The following RPAP1 variants were observed in gnomAD, a reference collection of about 807,000 sequenced individuals.
RPAP1 encodes the protein RNA polymerase II-associated protein 1.
A neutral mutation model predicts 142.4 loss-of-function variants in RPAP1; 109 were observed. The observed-to-expected ratio is 0.77, with a 90% CI of 0.66 to 0.90. The LOEUF is 0.90. RPAP1 is among the 40% of genes least tolerant of loss of function. RPAP1 has a pLI of 0.00. For synonymous variants in RPAP1, 704 were observed against 738.9 expected (o/e 0.95, Z 0.77); for missense variants, 1,546 against 1,751.7 (o/e 0.88, Z 2.10).
intron 10 of RPAP1, 95 bp downstream of exon 10, chr15:41,528,140 C>T: frequency 6.6e-7 from 1 of 1,512,414 alleles, no homozygotes; most frequent in Non-Finnish European, 9.0e-7. Context: ...ACATAGCTGG[C>T]TAGTGAGCCA....
intron 14 of RPAP1, among the ~76,000 whole-genome samples, chr15:41,526,316 C>T (rs1031406715): frequency 1.3e-5 from 2 of 152,222 alleles, no homozygotes; most frequent in Admixed American, 6.5e-5. Context: ...TTGGTGCAAC[C>T]AGCCCACTGC....
chr15:41,541,569 C>T (rs576010932), intron 1 of RPAP1, among the ~76,000 whole-genome samples: 3 of 152,228 alleles, frequency 2.0e-5, no homozygotes, highest in African/African-American at 4.8e-5. Context: ...GAATGAAGGC[C>T]GGGTGTGCTG....
At chr15:41,540,335 CTTG>C (rs916541480) in intron 1 of RPAP1, among the ~76,000 whole-genome samples, 45 of 144,424 alleles carry the variant, frequency 3.1e-4, no homozygotes, top group Non-Finnish European at 3.9e-4. Context: ...GAGTTTCACT[CTTG>C]TTGCCCAGGC....
Position 41,525,546 on chromosome 15 carries a change from C to T in RPAP1, c.1918-398G>A, listed in dbSNP as rs951623165. Among the ~76,000 whole-genome samples, 3 of 152,124 alleles carry T rather than the reference C, an allele frequency of 2.0e-5. No homozygotes were observed. The South Asian group carries it at 6.2e-4, about 32-fold the overall frequency. ...TAGAGACGGGGTTTCATTATGTTGG[C>T]CAGGCTGGTGTCGAACTGCTGACCT... On this transcript the variant is annotated intron_variant, in intron 14 of 24. Coordinates refer to ENST00000304330, the MANE Select transcript of RPAP1 (RefSeq NM_015540.4).
At position 41,534,752 on chromosome 15, in the gene RPAP1, T is replaced by C; in HGVS notation, c.725A>G (p.Glu242Gly). 3 of 1,614,098 alleles carry C rather than the reference T, an allele frequency of 1.9e-6. No homozygotes were observed. Among genetic ancestry groups the C allele is most frequent in the Non-Finnish European group, 2.5e-6 (3 of 1,180,016 alleles). The part of the protein sequence containing the change: ...IARLQAMAPE[E>G]ILQEQQRLLA... ...CAACCGCTGCTGTTCCTGCAGGATC[T>C]CCTCAGGAGCCATGGCCTGCAGTCT... Residue 242 changes from glutamate to glycine, a missense_variant, in exon 6 of 25, where the codon GAG (glutamate) becomes GGG (glycine). By Grantham distance (98) the Glu-to-Gly change is moderately conservative (BLOSUM62 -2). This residue lies in a region of RPAP1 where 1,333 missense variants were observed against 1,486.6 expected (regional missense o/e 0.90). Coordinates refer to ENST00000304330, the MANE Select transcript of RPAP1 (RefSeq NM_015540.4).
chr15:41,530,704 AG>A (rs1376392594), intron 7 of RPAP1, among the ~76,000 whole-genome samples: 2 of 152,090 alleles, frequency 1.3e-5, no homozygotes, highest in Non-Finnish European at 2.9e-5. Flanking sequence ...GGATGGACAG[AG>A]CCAGAGCTGG....
chr15:41,534,143 C>T (rs1268190921), intron 6 of RPAP1, among the ~76,000 whole-genome samples: 1 of 148,552 alleles, frequency 6.7e-6, no homozygotes, highest in African/African-American at 2.5e-5. Flanking sequence ...AAAGGCCGGG[C>T]ATGGTGGCTC....
intron 1 of RPAP1, among the ~76,000 whole-genome samples, chr15:41,542,691 G>C (rs1595491429): frequency 6.6e-6 from 1 of 152,150 alleles, no homozygotes; most frequent in East Asian, 1.9e-4. Flanking sequence ...TGAAGTTACT[G>C]TGCTTGTTTC....
rs2051921457 is a variant in RPAP1 at position 41,537,207 on chromosome 15, A to G, written c.-76-6T>C. The G allele has an allele frequency of 1.4e-6, 2 of 1,392,324 alleles. No individual in the cohort carries two copies. The highest frequency in any genetic ancestry group is 2.0e-6 in the Non-Finnish European group (2 of 1,018,868). 86.2% of individuals were successfully genotyped at this position (1,392,324 alleles called of 1,614,324 possible). A position where few individuals can be genotyped will look rare whatever the true frequency, so the allele number is the denominator to read the frequency against. ...GGGTTCCCTCTTATTCATCCCTAAG[A>G]GCAAGAAAGAATATGGGCCCTCTGC... On this transcript the variant is annotated splice_region_variant and splice_polypyrimidine_tract_variant and intron_variant, in intron 1 of 24. Transcript: ENST00000304330.
In RPAP1 at chr15:41,527,169, T is replaced by C. The variant is rs11630901; in HGVS notation, c.1744A>G (p.Arg582Gly). 262,143 of 1,614,130 alleles carry C rather than the reference T, an allele frequency of 0.16. 23,982 individuals are homozygous for C. The highest frequency in any genetic ancestry group is 0.23 in the Middle Eastern group (1,410 of 6,062). The change falls in exon 13 of 25, where the codon AGG becomes GGG. Residue 582 changes from arginine to glycine, a missense_variant and splice_region_variant. By Grantham distance (125) the Arg-to-Gly change is moderately radical. Transcript: ENST00000304330. ...LARHSLESAT[R>G]VLECPRLIET... ...TTCCCTGCTCCCTTTTTTCTCACCC[T>C]TGTGGCTGATTCCAGGGAATGCCGG...
At position 41,535,564 on chromosome 15, in the gene RPAP1, T is replaced by A. The variant is rs1273167356; in HGVS notation, c.489A>T (p.Glu163Asp). The A allele has an allele frequency of 6.2e-7, 1 of 1,614,054 alleles. No individual in the cohort carries two copies. Among genetic ancestry groups the A allele is most frequent in the African/African-American group, 1.3e-5 (1 of 75,060 alleles). The stretch of plus-strand genomic sequence containing the variant: ...CTTCCCCAACTGATGGGCCCTTGGC[T>A]TCAGCTATCCTCCTTGCCGCAATTT... ...AQEIAARRIA[E>D]AKGPSVGEVV... Residue 163 changes from glutamate (E) to aspartate (D), a missense_variant, in exon 5 of 25, where the codon GAA (glutamate) becomes GAT (aspartate). By Grantham distance (45) the Glu-to-Asp change is conservative (BLOSUM62 2). Around this residue, in one of 3 missense-constraint regions of RPAP1, gnomAD observed 1,333 missense variants for 1,486.6 expected, o/e 0.90. Transcript: ENST00000304330.
intron 1 of RPAP1, among the ~76,000 whole-genome samples, chr15:41,538,905 C>G (rs2051942498): frequency 6.6e-6 from 1 of 152,000 alleles, no homozygotes; most frequent in South Asian, 2.1e-4. Context: ...AAGAAGCTAG[C>G]CAAAAAGGAC....
chr15:41,523,685 G>A, intron 17 of RPAP1, 86 bp downstream of exon 17: 2 of 1,132,486 alleles, frequency 1.8e-6, no homozygotes, highest in Non-Finnish European at 2.6e-6. Context: ...GGAGTGGAGA[G>A]ATGGACACAG....
At chr15:41,539,399 A>C (rs146618860) in intron 1 of RPAP1, among the ~76,000 whole-genome samples, 2,654 of 151,986 alleles carry the variant, frequency 0.017, 45 homozygotes, top group South Asian at 0.051. Context: ...GGTTCAAGTG[A>C]TTCTCCTGCC....
Position 41,536,954 on chromosome 15 carries a change from T to C in RPAP1, c.172A>G (p.Met58Val), listed in dbSNP as rs2051916121. The change falls in exon 2 of 25, where the codon ATG (methionine) becomes GTG (valine). Residue 58 changes from methionine (M) to valine (V), a missense_variant. Transcript: ENST00000304330. Reference sequence around the variant, plus strand: ...ATCCATGGGAACTCACTGTCCAACATCACCACATCCCGATGGTCCTGGAGC... The same window carrying C: ...ATCCATGGGAACTCACTGTCCAACACCACCACATCCCGATGGTCCTGGAGC... ...PPLQDHRDVV[M>V]LDNLPDLPPA... The C allele has an allele frequency of 6.2e-7, 1 of 1,613,954 alleles. No individual in the cohort carries two copies. The highest frequency in any genetic ancestry group is 8.5e-7 in the Non-Finnish European group (1 of 1,179,894).
rs1444679004 is a variant in RPAP1 at position 41,535,770 on chromosome 15, A to C, written c.421-138T>G. ...TCCAGGGATCACAACCCTAGTTCTCAGAAAAAGGAGAGGTCTATAAGAGTA... is the reference window on the plus strand; with the variant it reads ...TCCAGGGATCACAACCCTAGTTCTCCGAAAAAGGAGAGGTCTATAAGAGTA... On this transcript the variant is annotated intron_variant, in intron 4 of 24. Transcript: ENST00000304330. The C allele has an allele frequency of 4.0e-6, 5 of 1,252,054 alleles. No homozygotes were observed. In the East Asian group the frequency reaches 1.2e-4, roughly 30 times the overall value. 77.6% of individuals were successfully genotyped at this position (1,252,054 alleles called of 1,614,324 possible).
At chr15:41,526,372 G>C (rs964625953) in intron 14 of RPAP1, among the ~76,000 whole-genome samples, 1 of 152,184 alleles carries the variant, frequency 6.6e-6, no homozygotes, top group Non-Finnish European at 1.5e-5. Flanking sequence ...TCAGCCTACC[G>C]AGTAGCTGAG....
chr15:41,533,294 A>AC (rs973770266), intron 6 of RPAP1: 7 of 151,258 alleles, frequency 4.6e-5, no homozygotes, highest in African/African-American at 1.7e-4. Flanking sequence ...ACATGGTGAG[A>AC]CCCCATCTCT....
rs139817632 is a variant in RPAP1, at chr15:41,520,540, C to T, written c.3646G>A (p.Asp1216Asn). 144 of 1,614,174 alleles carry T rather than the reference C, an allele frequency of 8.9e-5. No individual in the cohort carries two copies. In the Middle Eastern group the frequency reaches 5.3e-3, roughly 59 times the overall value. ...SFPDLYANFL[D>N]HFEAVSFGDH... ...CCAAAAGAGACAGCCTCAAAATGAT[C>T]CAGGAAGTTGGCATAGAGGTCAGGG... Residue 1216 changes from aspartate to asparagine, a missense_variant, in exon 22 of 25, where the codon GAT becomes AAT. By Grantham distance (23) the Asp-to-Asn change is conservative. Transcript: ENST00000304330.
Sources: gnomAD v4.1 joint callset for allele counts (sites outside exome capture counted in the v4.1 genomes callset) on GRCh38, gnomAD v4.1.1 for gene constraint, gnomAD v4.1.1 regional missense constraint, MANE v1.5 for transcripts, NCBI Gene and HGNC (gene_info 2026-07-23, HGNC 2026-07-21) for gene names.